The following PPP1CC variants were observed in gnomAD, a reference collection of about 807,000 sequenced individuals.
The protein encoded by PPP1CC is protein phosphatase 1 catalytic subunit gamma.
PPP1CC carries 16 observed loss-of-function variants against 38.4 expected under a neutral mutation model. The ratio of observed to expected loss-of-function variants is 0.42; its 90% CI spans 0.28 to 0.63. PPP1CC has a LOEUF of 0.63. Ranked by LOEUF, PPP1CC falls within the 30% of genes least tolerant of loss-of-function variation. The probability of loss-of-function intolerance (pLI) is 0.25; values close to 1 mark genes in which losing one functional copy is unlikely to be tolerated. For synonymous variants in PPP1CC, 158 were observed against 136.0 expected (o/e 1.16, Z -1.13); for missense variants, 170 against 391.3 (o/e 0.43, Z 4.77).
At chr12:110,738,915 C>T (rs2069979212) in intron 1 of PPP1CC, among the ~76,000 whole-genome samples, 1 of 152,128 alleles carries the variant, frequency 6.6e-6, no homozygotes, top group Non-Finnish European at 1.5e-5. Flanking sequence ...GGCATATGAC[C>T]AACATACTGA....
intron 1 of PPP1CC, among the ~76,000 whole-genome samples, chr12:110,736,956 C>T (rs531244340): frequency 3.9e-5 from 6 of 152,242 alleles, no homozygotes; most frequent in African/African-American, 7.2e-5. Context: ...AATAAGCCAA[C>T]GAAGATTTTG....
chr12:110,728,356 G>A (rs566375316), intron 3 of PPP1CC, among the ~76,000 whole-genome samples: 6 of 145,542 alleles, frequency 4.1e-5, no homozygotes, highest in South Asian at 2.2e-4. Context: ...GCGAGATCGC[G>A]CCCTGCACTC....
chr12:110,739,923 C>G (rs898848885), intron 1 of PPP1CC, among the ~76,000 whole-genome samples: 1 of 152,176 alleles, frequency 6.6e-6, no homozygotes, highest in African/African-American at 2.4e-5. Context: ...ATCAGTTATA[C>G]TAAGGAGTTA....
At chr12:110,731,484 G>GTA (rs2069871690) in intron 2 of PPP1CC, among the ~76,000 whole-genome samples, 2 of 152,006 alleles carry the variant, frequency 1.3e-5, no homozygotes, top group Admixed American at 1.3e-4. Flanking sequence ...ATACATCCAT[G>GTA]TAGTTCAGAC....
chr12:110,728,544 G>C (rs1473059921), intron 3 of PPP1CC, among the ~76,000 whole-genome samples: 1 of 152,094 alleles, frequency 6.6e-6, no homozygotes. Context: ...CTTAAACCCA[G>C]AAATTACAGG....
intron 3 of PPP1CC, among the ~76,000 whole-genome samples, chr12:110,728,049 T>A (rs976261029): frequency 6.6e-6 from 1 of 152,238 alleles, no homozygotes; most frequent in African/African-American, 2.4e-5. Context: ...TTTGAATTCA[T>A]CAGTGCAAAC....
At chr12:110,713,499 G>C in the PPP1CC span, among the ~76,000 whole-genome samples, 1 of 152,040 alleles carries the variant, frequency 6.6e-6, no homozygotes, top group Non-Finnish European at 1.5e-5. Context: ...CTTAGACAAG[G>C]CATCACAAAA....
intron 3 of PPP1CC, among the ~76,000 whole-genome samples, chr12:110,727,756 T>C (rs1033704736): frequency 3.3e-5 from 5 of 152,178 alleles, no homozygotes; most frequent in Middle Eastern, 3.2e-3. Flanking sequence ...TATATATATA[T>C]TAAATGTCTG....
rs77832283 is a variant in PPP1CC at position 110,720,150 on chromosome 12, G to A, written c.*926C>T. The A allele has an allele frequency of 8.4e-5, 131 of 1,554,464 alleles. No individual in the cohort carries two copies. In the East Asian group the frequency reaches 2.8e-3, roughly 34 times the overall value. On this transcript the variant is annotated 3_prime_UTR_variant, in exon 7 of 7. Coordinates refer to ENST00000335007, the MANE Select transcript of PPP1CC (RefSeq NM_002710.4). ...CATAATCGGTCACTCGTATAGAACA[G>A]TATTGTTTCTATAATTTGAAGCTTT...
chr12:110,742,787 C>A lies in PPP1CC; in HGVS notation c.-80G>T. 1 of 1,179,916 alleles carries A rather than the reference C, an allele frequency of 8.5e-7. No homozygotes were observed. The highest frequency in any genetic ancestry group is 3.2e-5 in the East Asian group (1 of 31,392). The allele number at this position is 1,179,916 out of a possible 1,614,324, so 73.1% of individuals were successfully genotyped here. ...GACTCACACCTCCTTTCCCACGCCACGAGCAGAGGCGGTGGTGGCGGCGGT... is the reference window on the plus strand; with the variant it reads ...GACTCACACCTCCTTTCCCACGCCAAGAGCAGAGGCGGTGGTGGCGGCGGT... On this transcript the variant is annotated 5_prime_UTR_variant, in exon 1 of 7. Coordinates refer to ENST00000335007, the MANE Select transcript of PPP1CC (RefSeq NM_002710.4).
chr12:110,719,060 T>C (rs2069711204), downstream of PPP1CC, among the ~76,000 whole-genome samples: 1 of 152,158 alleles, frequency 6.6e-6, no homozygotes. Flanking sequence ...TTTATAGCAT[T>C]TTGAAATCCT....
chr12:110,742,840 T>A lies in PPP1CC; in HGVS notation c.-133A>T. Reference sequence around the variant, plus strand: ...CAGCAGCCGCGGCGGGTCCCCCCCCTGCCACCCCGCTCCCTACTTCCTCCT... The same window carrying A: ...CAGCAGCCGCGGCGGGTCCCCCCCCAGCCACCCCGCTCCCTACTTCCTCCT... On this transcript the variant is annotated 5_prime_UTR_variant, in exon 1 of 7. Coordinates refer to ENST00000335007, the MANE Select transcript of PPP1CC (RefSeq NM_002710.4). 1.8e-6 allele frequency: 1 copy of A among 565,766 alleles called. No individual in the cohort carries two copies. The highest frequency in any genetic ancestry group is 2.7e-6 in the Non-Finnish European group (1 of 364,554). 35.0% of individuals were successfully genotyped at this position (565,766 alleles called of 1,614,324 possible).
rs1017526241 is a variant in PPP1CC, at chr12:110,722,520, T to A, written c.699A>T (p.Ala233=). 1 of 1,614,146 alleles carries A rather than the reference T, an allele frequency of 6.2e-7. No individual in the cohort carries two copies. The highest frequency in any genetic ancestry group is 8.5e-7 in the Non-Finnish European group (1 of 1,180,054). Residue 233 remains alanine, a synonymous_variant, in exon 5 of 7, where the codon GCA becomes GCT. Transcript: ENST00000335007. This position sits in a 1 kb window ranked among gnomAD's most constrained non-coding sequence, Gnocchi z 5.4. ...VSFTFGAEVV[A]KFLHKHDLDL... is the part of the protein sequence containing the mutation. ...CCAAATCATGCTTATGGAGAAATTT[T>A]GCAACCACTTCTGCACCAAATGTGA... is the stretch of plus-strand genomic sequence containing the variant.
intron 1 of PPP1CC, among the ~76,000 whole-genome samples, chr12:110,736,273 G>A (rs1370982541): frequency 6.6e-6 from 1 of 152,136 alleles, no homozygotes; most frequent in Non-Finnish European, 1.5e-5. Context: ...CTATTTTTCT[G>A]GCAAATCACT....
At chr12:110,726,122 G>C (rs753804976) in intron 3 of PPP1CC, 2 of 152,132 alleles carry the variant, frequency 1.3e-5, no homozygotes, top group Non-Finnish European at 2.9e-5. Flanking sequence ...TCTTTTCCTG[G>C]GGAATACAGG....
chr12:110,737,306 C>A (rs2069954263), intron 1 of PPP1CC, among the ~76,000 whole-genome samples: 1 of 150,794 alleles, frequency 6.6e-6, no homozygotes, highest in African/African-American at 2.4e-5. Context: ...GGTAAAACCC[C>A]ATCTCTACCA....
intron 2 of PPP1CC, 61 bp downstream of exon 2, chr12:110,731,709 A>T: frequency 6.4e-7 from 1 of 1,554,634 alleles, no homozygotes; most frequent in Non-Finnish European, 8.8e-7. Flanking sequence ...GGTCATCAAC[A>T]TATCCTTGAC....
At chr12:110,721,910 C>T (rs2136538611) in intron 6 of PPP1CC, 1 of 520,104 alleles carries the variant, frequency 1.9e-6, no homozygotes, top group Non-Finnish European at 3.3e-6. Flanking sequence ...AGCCAATATG[C>T]AATGCAAAAA....
intron 1 of PPP1CC, among the ~76,000 whole-genome samples, chr12:110,737,427 T>C (rs1185154814): frequency 8.1e-6 from 1 of 123,890 alleles, no homozygotes; most frequent in African/African-American, 3.2e-5. Context: ...GAGGCAGCAG[T>C]GGGCCGAGAT....
Sources: gnomAD v4.1 joint callset for allele counts (sites outside exome capture counted in the v4.1 genomes callset) on GRCh38, gnomAD v4.1.1 for gene constraint, Gnocchi (gnomAD v3.1) non-coding constraint, MANE v1.5 for transcripts, NCBI Gene and HGNC (gene_info 2026-07-23, HGNC 2026-07-21) for gene names.